Variants in HSPG2 observed in about 807,000 individuals in gnomAD.
The protein encoded by HSPG2 is heparan sulfate proteoglycan 2, also known as basement membrane-specific heparan sulfate proteoglycan core protein.
A neutral mutation model predicts 526.6 loss-of-function variants in HSPG2; 278 were observed. That is an observed-to-expected ratio of 0.53 (90% CI 0.48 to 0.58). The LOEUF (loss-of-function observed/expected upper bound fraction) is 0.58, where lower values mean the gene tolerates loss of function less well. HSPG2 is among the 20% of genes least tolerant of loss of function. The pLI is 0.00. For synonymous variants in HSPG2, 2,465 were observed against 2,555.4 expected, an observed-to-expected ratio of 0.96 and a Z score of 1.07; for missense variants, 5,354 against 6,099.5, an observed-to-expected ratio of 0.88 and a Z score of 4.07.
At chr1:21,920,473 TAA>T (rs1212592518) in intron 1 of HSPG2, among the ~76,000 whole-genome samples, 1 of 152,188 alleles carries the variant, frequency 6.6e-6, no homozygotes, top group African/African-American at 2.4e-5. Flanking sequence ...CCAGGCTCCC[TAA>T]AAAGAGGCGC....
intron 1 of HSPG2, among the ~76,000 whole-genome samples, chr1:21,931,792 T>G (rs1296504578): frequency 6.6e-6 from 1 of 152,092 alleles, no homozygotes; most frequent in South Asian, 2.1e-4. Context: ...CAGGCAGCCC[T>G]TGAAGCTCTG....
chr1:21,905,253 ACACACACC>A (rs1163540303), intron 1 of HSPG2, among the ~76,000 whole-genome samples: 7 of 132,862 alleles, frequency 5.3e-5, no homozygotes, highest in Non-Finnish European at 1.0e-4. Context: ...ACACCCACCC[ACACACACC>A]CACACACACA....
In HSPG2 at chr1:21,885,094, G is replaced by GTCAC; in HGVS notation, c.1270_1273dup (p.Thr425SerfsTer45). On this transcript the variant is annotated frameshift_variant, in exon 11 of 97. Transcript: ENST00000374695. LOFTEE classifies it high-confidence loss of function. ...GACGCCAATGGCCACGCAGGTGAAG[G>GTCAC]TCACTGTCTGGCCCCGGGAAGCCTG... 6.2e-7 allele frequency: 1 copy of GTCAC among 1,613,644 alleles called. No homozygotes were observed. The highest frequency in any genetic ancestry group is 8.5e-7 in the Non-Finnish European group (1 of 1,179,888).
chr1:21,854,832 C>A lies in HSPG2; in HGVS notation c.6133+16G>T. ...GGCTTGCCCTCCCCACCCCTCCATT[C>A]CCAGAGAGTCCGTACCTGAAAGGAC... On this transcript the variant is annotated intron_variant, in intron 48 of 96. Transcript: ENST00000374695. 6.2e-7 allele frequency: 1 copy of A among 1,613,500 alleles called. No individual in the cohort carries two copies. Among genetic ancestry groups the A allele is most frequent in the Admixed American group, 1.7e-5 (1 of 59,920 alleles).
In HSPG2 at chr1:21,872,580, G is replaced by A. The variant is rs769016010; in HGVS notation, c.4029+40C>T. ...TCAGATGGACAGTAACAGGCAGCAG[G>A]TGGCAACACCGCCTGGGGCTGGGCA... On this transcript the variant is annotated intron_variant, in intron 32 of 96. Transcript: ENST00000374695. This position sits in a 1 kb window ranked among gnomAD's most constrained non-coding sequence, Gnocchi z 5.5. The A allele has an allele frequency of 1.3e-6, 2 of 1,561,248 alleles. No individual in the cohort carries two copies. Among genetic ancestry groups the A allele is most frequent in the East Asian group, 2.4e-5 (1 of 42,410 alleles).
Position 21,850,514 on chromosome 1 carries a change from GTGAGTCAGAGGGA to G in HSPG2, c.7159-29_7159-17del. Reference sequence around the variant, plus strand: ...AGCCGTGGGTCTGGCCAGAATGGGGGTGAGTCAGAGGGAGCCCTCAGGAGACCCCTGTTCCTAT... The same window carrying G: ...AGCCGTGGGTCTGGCCAGAATGGGGGGCCCTCAGGAGACCCCTGTTCCTAT... On this transcript the variant is annotated splice_polypyrimidine_tract_variant and intron_variant, in intron 55 of 96. Transcript: ENST00000374695. The G allele has an allele frequency of 1.3e-6, 2 of 1,598,806 alleles. No homozygotes were observed. Among genetic ancestry groups the G allele is most frequent in the Non-Finnish European group, 1.7e-6 (2 of 1,171,046 alleles).
chr1:21,931,307 T>C (rs971453142), intron 1 of HSPG2, among the ~76,000 whole-genome samples: 8 of 152,220 alleles, frequency 5.3e-5, no homozygotes, highest in Admixed American at 1.3e-4. Context: ...GTTCCACACA[T>C]ACTTCTGGGT....
At chr1:21,876,427 G>A (rs1023713553) in intron 22 of HSPG2, 22 bp from the exon 23 acceptor site, 5 of 1,610,540 alleles carry the variant, frequency 3.1e-6, no homozygotes, top group Non-Finnish European at 4.2e-6. Flanking sequence ...AGAAAGGGCT[G>A]GGATGGGGGC....
intron 6 of HSPG2, chr1:21,888,585 C>T (rs963309356): frequency 2.8e-5 from 29 of 1,038,504 alleles, no homozygotes; most frequent in Admixed American, 5.1e-5. Context: ...GGGTTACAGG[C>T]GTGAGCCCCT....
intron 49 of HSPG2, 46 bp downstream of exon 49, chr1:21,854,565 G>A (rs1336842810): frequency 6.5e-7 from 1 of 1,530,212 alleles, no homozygotes; most frequent in African/African-American, 1.4e-5. Flanking sequence ...CTCCGCCACA[G>A]CCCCTGCACC....
Position 21,847,708 on chromosome 1 carries a change from C to CAG in HSPG2, c.8005_8006insCT (p.Ser2669ThrfsTer79). 6.2e-7 allele frequency: 1 copy of CAG among 1,609,946 alleles called. No homozygotes were observed. The highest frequency in any genetic ancestry group is 8.5e-7 in the Non-Finnish European group (1 of 1,178,370). ...CTGTACCTGGTGTCGGGAGGGAAGG[C>CAG]TGCCCCCACGCTTGTACCATGTGAT... On this transcript the variant is annotated frameshift_variant, in exon 61 of 97. Coordinates refer to ENST00000374695, the MANE Select transcript of HSPG2 (RefSeq NM_005529.7). LOFTEE classifies it high-confidence loss of function. The surrounding 1 kb of genome is among the most constrained non-coding windows in gnomAD (Gnocchi z 4.1).
rs1420830827 is a variant in HSPG2, at chr1:21,885,035, C to A, written c.1333G>T (p.Gly445Cys). 1 of 1,613,900 alleles carries A rather than the reference C, an allele frequency of 6.2e-7. No homozygotes were observed. Residue 445 changes from glycine to cysteine, a missense_variant, in exon 11 of 97, where the codon GGC becomes TGC. Gly to Cys is a radical substitution (Grantham distance 159, BLOSUM62 -3). Coordinates refer to ENST00000374695, the MANE Select transcript of HSPG2 (RefSeq NM_005529.7). ...CACCTGGGATGAGAGGGGATGTGGC[C>A]CCAGTTGAGCCTCCAATTGATGATG... ...TPIINWRLNW[G>C]HIPSHPRVTV...
chr1:21,935,848 T>A lies in HSPG2; in HGVS notation c.63+1307A>T, dbSNP rs75391530. 2.8e-3 allele frequency among the ~76,000 whole-genome samples: 425 copies of A among 150,162 alleles called. 12 individuals are homozygous for A. The East Asian group carries it at 0.072, about 26-fold the overall frequency. ...GATGGCCCTGCTGAATATTTTGGGGTGAGAGGCTGAAACAGGAGGACGACA... is the reference window on the plus strand; with the variant it reads ...GATGGCCCTGCTGAATATTTTGGGGAGAGAGGCTGAAACAGGAGGACGACA... On this transcript the variant is annotated intron_variant, in intron 1 of 96. Transcript: ENST00000374695.
At chr1:21,924,913 A>G (rs1008633478) in intron 1 of HSPG2, among the ~76,000 whole-genome samples, 7 of 152,154 alleles carry the variant, frequency 4.6e-5, no homozygotes, top group African/African-American at 1.7e-4. Flanking sequence ...GTCTTTCCAG[A>G]TAACTCATGC....
At chr1:21,833,774 A>T (rs1408285790) in intron 78 of HSPG2, 42 bp downstream of exon 78, 1 of 1,528,344 alleles carries the variant, frequency 6.5e-7, no homozygotes, top group Non-Finnish European at 8.9e-7. Context: ...ATCTGTTCCC[A>T]GCCCCCAAGT....
Position 21,864,271 on chromosome 1 carries a change from A to G in HSPG2, c.4627-58T>C, listed in dbSNP as rs373102917. The G allele has an allele frequency of 2.1e-6, 3 of 1,402,406 alleles. No individual in the cohort carries two copies. In the African/African-American group the frequency reaches 4.3e-5, roughly 20 times the overall value. The allele number at this position is 1,402,406 out of a possible 1,614,324, so 86.9% of individuals were successfully genotyped here. ...CCAACGTGCCCCACCCACAGCCAGC[A>G]GACCCAGAACCCCTCCCTCCAGTGT... On this transcript the variant is annotated intron_variant, in intron 36 of 96. Coordinates refer to ENST00000374695, the MANE Select transcript of HSPG2 (RefSeq NM_005529.7). This position sits in a 1 kb window ranked among gnomAD's most constrained non-coding sequence, Gnocchi z 4.8.
chr1:21,923,453 C>T (rs968943600), intron 1 of HSPG2, among the ~76,000 whole-genome samples: 1 of 152,156 alleles, frequency 6.6e-6, no homozygotes, highest in African/African-American at 2.4e-5. Flanking sequence ...AAATAGCCCT[C>T]GCTATTTTGC....
At chr1:21,852,601 G>C in intron 52 of HSPG2, 99 bp downstream of exon 52, 1 of 1,525,446 alleles carries the variant, frequency 6.6e-7, no homozygotes, top group Non-Finnish European at 9.1e-7. Context: ...GCTCCGGTGT[G>C]GGCCTTCTGC....
At position 21,839,417 on chromosome 1, in the gene HSPG2, A is replaced by G. The variant is rs1403168368; in HGVS notation, c.9843T>C (p.Thr3281=). The G allele has an allele frequency of 6.2e-7, 1 of 1,613,884 alleles. No individual in the cohort carries two copies. Among genetic ancestry groups the G allele is most frequent in the South Asian group, 1.1e-5 (1 of 91,076 alleles). Residue 3281 remains threonine (T), a synonymous_variant, in exon 73 of 97, where the codon ACT becomes ACC. Transcript: ENST00000374695. The surrounding 1 kb of genome is among the most constrained non-coding windows in gnomAD (Gnocchi z 4.5). ...TGGCCTCAGCGTGCCCAGCAGGGCTAGTGGCATTGCAGATGTACTGGCCCG... is the reference window on the plus strand; with the variant it reads ...TGGCCTCAGCGTGCCCAGCAGGGCTGGTGGCATTGCAGATGTACTGGCCCG... The part of the protein sequence containing the change: ...QDSGQYICNA[T]SPAGHAEATI...
Sources: allele counts gnomAD v4.1 joint callset (sites outside exome capture counted in the v4.1 genomes callset), GRCh38; gene constraint gnomAD v4.1.1; non-coding constraint Gnocchi (gnomAD v3.1); transcripts MANE v1.5; gene names NCBI Gene and HGNC (gene_info 2026-07-23, HGNC 2026-07-21).